KIF21B: variants seen among roughly 807,000 people sequenced by gnomAD.
The protein encoded by KIF21B is kinesin-like protein KIF21B.
In KIF21B, 85 loss-of-function variants were observed where a neutral mutation model predicts 192.9. That is an observed-to-expected ratio of 0.44 (90% CI 0.37 to 0.53). The LOEUF (loss-of-function observed/expected upper bound fraction) is 0.53. Among genes scored for constraint, KIF21B ranks in the 20% least tolerant of loss-of-function variants. The probability of loss-of-function intolerance (pLI) is 0.00; values close to 1 mark genes in which losing one functional copy is unlikely to be tolerated. For synonymous variants in KIF21B, 832 were observed against 884.6 expected, an observed-to-expected ratio of 0.94 and a Z score of 1.05; for missense variants, 1,716 against 2,194.8, an observed-to-expected ratio of 0.78 and a Z score of 4.36.
intron 28 of KIF21B, among the ~76,000 whole-genome samples, chr1:200,981,848 C>T (rs1435202048): frequency 6.6e-6 from 1 of 152,084 alleles, no homozygotes; most frequent in African/African-American, 2.4e-5. Flanking sequence ...GGAGGCTGGC[C>T]CAAGTGAGCG....
In KIF21B at chr1:200,999,961, G is replaced by A. The variant is rs1258518801; in HGVS notation, c.1689C>T (p.Pro563=). 1.2e-6 allele frequency: 2 copies of A among 1,613,636 alleles called. No individual in the cohort carries two copies. Among genetic ancestry groups the A allele is most frequent in the Non-Finnish European group, 1.7e-6 (2 of 1,179,996 alleles). ...CCCTCTTTTTGAAGGCTTCCTTCTC[G>A]GGGCTGCTCAGGGAGGACAGGGAAG... ...KKEVRQRRKS[P]EKEAFKKRAK... is the part of the protein sequence containing the mutation. Residue 563 remains proline (P), a synonymous_variant, in exon 12 of 35, where the codon CCC becomes CCT. Coordinates refer to ENST00000461742, the MANE Select transcript of KIF21B (RefSeq NM_001252102.2). This position sits in a 1 kb window ranked among gnomAD's most constrained non-coding sequence, Gnocchi z 4.7.
chr1:200,990,159 G>A lies in KIF21B; in HGVS notation c.3009C>T (p.Ile1003=), dbSNP rs753667842. 4.3e-6 allele frequency: 7 copies of A among 1,613,770 alleles called. No individual in the cohort carries two copies. Among genetic ancestry groups the A allele is most frequent in the Admixed American group, 1.7e-5 (1 of 60,002 alleles). The change falls in exon 20 of 35, where the codon ATC becomes ATT. Residue 1003 remains isoleucine (I), a synonymous_variant. Transcript: ENST00000461742. This position sits in a 1 kb window ranked among gnomAD's most constrained non-coding sequence, Gnocchi z 5.4. ...NDGITDCQAT[I]VQLEETKEEL... ...ATACCTTGGTCTCCTCCAGCTGCAC[G>A]ATGGTGGCCTGGCAGTCGGTGATGC... is the stretch of plus-strand genomic sequence containing the variant.
Position 201,000,686 on chromosome 1 carries a change from C to G in KIF21B, c.1466+31G>C. 1 of 1,613,980 alleles carries G rather than the reference C, an allele frequency of 6.2e-7. No homozygotes were observed. Among genetic ancestry groups the G allele is most frequent in the South Asian group, 1.1e-5 (1 of 91,084 alleles). On this transcript the variant is annotated intron_variant, in intron 10 of 34. Transcript: ENST00000461742. The surrounding 1 kb of genome is among the most constrained non-coding windows in gnomAD (Gnocchi z 6.0). ...CGTCACCTGGCCGAGGCCCCCAGCC[C>G]GCGCACACCTGCCGGAGCTCACTCA...
rs765060338 is a variant in KIF21B at position 200,979,645 on chromosome 1, G to A, written c.4050C>T (p.Asn1350=). The A allele has an allele frequency of 1.9e-6, 3 of 1,587,486 alleles. No homozygotes were observed. The highest frequency in any genetic ancestry group is 1.7e-6 in the Non-Finnish European group (2 of 1,167,358). The change falls in exon 30 of 35, where the codon AAC becomes AAT. Residue 1350 remains asparagine (N), a synonymous_variant. Coordinates refer to ENST00000461742, the MANE Select transcript of KIF21B (RefSeq NM_001252102.2). Reference sequence around the variant, plus strand: ...GGCTGCAGTACTTGATGGAGACCACGTTGTTGGGGTGGCCCTTTAGAGCTG... The same window carrying A: ...GGCTGCAGTACTTGATGGAGACCACATTGTTGGGGTGGCCCTTTAGAGCTG... ...EIAALKGHPN[N]VVSIKYCSHS... is the part of the protein sequence containing the mutation.
At chr1:201,007,065 GAC>G (rs1380124427) in intron 3 of KIF21B, among the ~76,000 whole-genome samples, 3 of 116,572 alleles carry the variant, frequency 2.6e-5, no homozygotes, top group African/African-American at 1.1e-4. Context: ...CACACACACA[GAC>G]ACACACAGAC....
At position 200,998,050 on chromosome 1, in the gene KIF21B, A is replaced by G. The variant is rs1254606729; in HGVS notation, c.2077+334T>C. Among the ~76,000 whole-genome samples, 2 of 152,260 alleles carry G rather than the reference A, an allele frequency of 1.3e-5. No homozygotes were observed. Among genetic ancestry groups the G allele is most frequent in the Non-Finnish European group, 2.9e-5 (2 of 68,044 alleles). On this transcript the variant is annotated intron_variant, in intron 14 of 34. Coordinates refer to ENST00000461742, the MANE Select transcript of KIF21B (RefSeq NM_001252102.2). This position sits in a 1 kb window ranked among gnomAD's most constrained non-coding sequence, Gnocchi z 4.3. ...GAGCAGCATAATGAAGATAGAATGT[A>G]AGAACGGTTACAAACAGGTCCAAAG...
chr1:201,007,361 C>G (rs1313449153), intron 3 of KIF21B, among the ~76,000 whole-genome samples: 2 of 91,422 alleles, frequency 2.2e-5, no homozygotes, highest in Admixed American at 9.3e-5. Context: ...CATAGACACA[C>G]ACACACACAC....
Position 200,974,734 on chromosome 1 carries a change from C to T in KIF21B, c.4794G>A (p.Lys1598=). 6.2e-7 allele frequency: 1 copy of T among 1,614,186 alleles called. No individual in the cohort carries two copies. Among genetic ancestry groups the T allele is most frequent in the South Asian group, 1.1e-5 (1 of 91,088 alleles). The part of the protein sequence containing the change: ...SPINAICTNA[K]HIFTASSDLT... The stretch of plus-strand genomic sequence containing the variant: ...CCCACCTGGAGGCTGTGAAGATATG[C>T]TTGGCATTGGTGCAGATGGCATTGA... Residue 1598 remains lysine, a synonymous_variant, in exon 34 of 35, where the codon AAG becomes AAA. Transcript: ENST00000461742.
At chr1:201,012,126 T>A (rs1658266310) in intron 1 of KIF21B, among the ~76,000 whole-genome samples, 1 of 152,144 alleles carries the variant, frequency 6.6e-6, no homozygotes, top group African/African-American at 2.4e-5. Flanking sequence ...CCTGGGGCCC[T>A]TTTTTGGCCC....
At chr1:201,020,094 G>A (rs1658732937) in intron 1 of KIF21B, among the ~76,000 whole-genome samples, 2 of 152,066 alleles carry the variant, frequency 1.3e-5, no homozygotes, top group Non-Finnish European at 2.9e-5. Context: ...TGGATGCTGG[G>A]CTGGCCAAGC....
intron 6 of KIF21B, 45 bp downstream of exon 6, chr1:201,004,721 C>G: frequency 6.2e-7 from 1 of 1,612,570 alleles, no homozygotes; most frequent in South Asian, 1.1e-5. Context: ...GGGTCTGAGA[C>G]TGAGCTGTGT....
rs2102360430 is a variant in KIF21B at position 200,972,114 on chromosome 1, A to G, written c.*1407T>C. 1 of 152,308 alleles carries G rather than the reference A, an allele frequency of 6.6e-6. No homozygotes were observed. Among genetic ancestry groups the G allele is most frequent in the East Asian group, 1.9e-4 (1 of 5,254 alleles). 9.4% of individuals were successfully genotyped at this position (152,308 alleles called of 1,614,324 possible). On this transcript the variant is annotated 3_prime_UTR_variant, in exon 35 of 35. Transcript: ENST00000461742. ...AGTCCCCCCCAAGGCCCACTCCTGT[A>G]ATTCCAGAGTTCCCCCAACAGGGGG...
intron 1 of KIF21B, among the ~76,000 whole-genome samples, chr1:201,011,670 C>T (rs1207811520): frequency 8.5e-5 from 13 of 152,214 alleles, no homozygotes; most frequent in Non-Finnish European, 1.5e-4. Flanking sequence ...GGACCCAAGG[C>T]TAAGCACTTC....
rs572475482 is a variant in KIF21B, at chr1:200,982,665, G to A, written c.3842+391C>T. Among the ~76,000 whole-genome samples, 130 of 152,216 alleles carry A rather than the reference G, an allele frequency of 8.5e-4. No individual in the cohort carries two copies. Among genetic ancestry groups the A allele is most frequent in the African/African-American group, 2.9e-3 (122 of 41,542 alleles). Reference sequence around the variant, plus strand: ...ATCAAAGGACCCAGAGCACACCACCGGCACCCCCAAAAGGAGCAGCCTTCA... The same window carrying A: ...ATCAAAGGACCCAGAGCACACCACCAGCACCCCCAAAAGGAGCAGCCTTCA... On this transcript the variant is annotated intron_variant, in intron 28 of 34. Transcript: ENST00000461742. The surrounding 1 kb of genome is among the most constrained non-coding windows in gnomAD (Gnocchi z 4.7).
rs560480809 is a variant in KIF21B at position 201,023,188 on chromosome 1, C to T, written c.41+155G>A. 1.3e-5 allele frequency among the ~76,000 whole-genome samples: 2 copies of T among 152,276 alleles called. No homozygotes were observed. The highest frequency in any genetic ancestry group is 2.4e-5 in the African/African-American group (1 of 41,470). ...TCGCCGCTCCCCTGCGGCAGACTGG[C>T]CAGCGCGCGGCGCCCTCCATCCCGT... On this transcript the variant is annotated intron_variant, in intron 1 of 34. Coordinates refer to ENST00000461742, the MANE Select transcript of KIF21B (RefSeq NM_001252102.2). This position sits in a 1 kb window ranked among gnomAD's most constrained non-coding sequence, Gnocchi z 5.9.
In KIF21B at chr1:200,990,895, G is replaced by T; in HGVS notation, c.2687+22C>A. On this transcript the variant is annotated intron_variant, in intron 18 of 34. Coordinates refer to ENST00000461742, the MANE Select transcript of KIF21B (RefSeq NM_001252102.2). This position sits in a 1 kb window ranked among gnomAD's most constrained non-coding sequence, Gnocchi z 5.4. Reference sequence around the variant, plus strand: ...CCACCCCCTCTGCCTGCACAGGCCAGGGGACTGCCAGTCCACCTTACCGGG... The same window carrying T: ...CCACCCCCTCTGCCTGCACAGGCCATGGGACTGCCAGTCCACCTTACCGGG... 6.2e-7 allele frequency: 1 copy of T among 1,613,316 alleles called. No homozygotes were observed. The highest frequency in any genetic ancestry group is 1.1e-5 in the South Asian group (1 of 91,074).
chr1:201,006,392 A>C (rs2102453839), intron 3 of KIF21B, among the ~76,000 whole-genome samples: 1 of 152,346 alleles, frequency 6.6e-6, no homozygotes, highest in Non-Finnish European at 1.5e-5. Context: ...GGGATGTTCA[A>C]CAGGCAGGGA....
chr1:201,004,973 C>A (rs753981848), intron 5 of KIF21B, 40 bp from the exon 6 acceptor site: 3 of 1,576,512 alleles, frequency 1.9e-6, no homozygotes, highest in South Asian at 2.3e-5. Context: ...AGCCCTCGCC[C>A]ACCTCACTGG....
intron 6 of KIF21B, 150 bp from the exon 7 acceptor site, chr1:201,004,605 G>T (rs773293661): frequency 3.5e-6 from 4 of 1,127,116 alleles, no homozygotes; most frequent in East Asian, 2.6e-5. Flanking sequence ...TGGATAAGTT[G>T]GTGAAATGGG....
Sources: gnomAD v4.1 joint callset for allele counts (sites outside exome capture counted in the v4.1 genomes callset) on GRCh38, gnomAD v4.1.1 for gene constraint, Gnocchi (gnomAD v3.1) non-coding constraint, MANE v1.5 for transcripts, NCBI Gene and HGNC (gene_info 2026-07-23, HGNC 2026-07-21) for gene names.